Variants in ALG5 observed in about 807,000 individuals in gnomAD.
ALG5 encodes the protein ALG5 dolichyl-phosphate beta-glucosyltransferase.
ALG5 carries 26 observed loss-of-function variants against 51.8 expected under a neutral mutation model. The ratio of observed to expected loss-of-function variants is 0.50; its 90% CI spans 0.37 to 0.70. The LOEUF (loss-of-function observed/expected upper bound fraction) is 0.70, where lower values mean the gene tolerates loss of function less well. Among genes scored for constraint, ALG5 ranks in the 30% least tolerant of loss-of-function variants. The probability of loss-of-function intolerance (pLI) is 0.00; values close to 1 mark genes in which losing one functional copy is unlikely to be tolerated. For synonymous variants in ALG5, 141 were observed against 136.1 expected (o/e 1.04, Z -0.25); for missense variants, 311 against 399.3 (o/e 0.78, Z 1.88).
chr13:36,973,945 T>C (rs2058938039), intron 6 of ALG5, among the ~76,000 whole-genome samples: 1 of 152,222 alleles, frequency 6.6e-6, no homozygotes, highest in South Asian at 2.1e-4. Flanking sequence ...AAATTACAAA[T>C]ATACATATAA....
At chr13:36,959,653 T>C (rs2138784748) in intron 8 of ALG5, among the ~76,000 whole-genome samples, 1 of 151,992 alleles carries the variant, frequency 6.6e-6, no homozygotes, top group South Asian at 2.1e-4. Context: ...AAGTATGGAG[T>C]GCCAAAGACA....
chr13:36,968,376 A>G (rs2058904992), intron 7 of ALG5, among the ~76,000 whole-genome samples: 1 of 152,228 alleles, frequency 6.6e-6, no homozygotes, highest in Non-Finnish European at 1.5e-5. Flanking sequence ...TAAAATAAGA[A>G]GTTCAAAGAA....
chr13:36,966,469 T>A (rs1416698589), intron 7 of ALG5, among the ~76,000 whole-genome samples: 2 of 152,196 alleles, frequency 1.3e-5, no homozygotes, highest in Non-Finnish European at 2.9e-5. Flanking sequence ...GACTTTCACA[T>A]TTAAGATTTA....
intron 1 of ALG5, 150 bp from the exon 2 acceptor site, chr13:36,995,746 C>A: frequency 2.9e-6 from 2 of 692,380 alleles, no homozygotes; most frequent in Non-Finnish European, 4.7e-6. Context: ...GAGGTGACTC[C>A]AAAATTAGAC....
intron 6 of ALG5, 31 bp from the exon 7 acceptor site, chr13:36,972,067 T>C (rs776049121): frequency 6.8e-7 from 1 of 1,470,326 alleles, no homozygotes; most frequent in South Asian, 1.3e-5. Context: ...AGTTTTTCAA[T>C]ATTTAAATAT....
intron 1 of ALG5, among the ~76,000 whole-genome samples, chr13:36,998,119 C>T (rs2059059972): frequency 6.6e-6 from 1 of 151,990 alleles, no homozygotes; most frequent in African/African-American, 2.4e-5. Flanking sequence ...CAGTACAATC[C>T]CATAAAATCT....
chr13:36,953,631 A>G (rs1370847199), intron 8 of ALG5, among the ~76,000 whole-genome samples: 1 of 152,198 alleles, frequency 6.6e-6, no homozygotes, highest in Non-Finnish European at 1.5e-5. Context: ...ATTAATACAG[A>G]CAAGAAAATG....
chr13:36,993,527 T>G, intron 4 of ALG5, 77 bp downstream of exon 4: 1 of 1,249,640 alleles, frequency 8.0e-7, no homozygotes, highest in Non-Finnish European at 1.2e-6. Context: ...CCCTGGTGAA[T>G]GAAAGTGAGA....
At chr13:36,997,195 G>T (rs186277070) in intron 1 of ALG5, among the ~76,000 whole-genome samples, 1 of 152,110 alleles carries the variant, frequency 6.6e-6, no homozygotes, top group African/African-American at 2.4e-5. Context: ...GAAAAAGGCC[G>T]GGCGCGGTGG....
At chr13:36,985,502 T>C in intron 6 of ALG5, 125 bp downstream of exon 6, 1 of 643,646 alleles carries the variant, frequency 1.6e-6, no homozygotes. Context: ...GCTGTACCAT[T>C]TGTATAAGGA....
intron 8 of ALG5, among the ~76,000 whole-genome samples, chr13:36,954,920 G>A (rs1459730452): frequency 6.6e-6 from 1 of 152,124 alleles, no homozygotes; most frequent in African/African-American, 2.4e-5. Context: ...AAAGATGGGA[G>A]GAAATGATAA....
At chr13:36,993,802 G>T in intron 3 of ALG5, 130 bp from the exon 4 acceptor site, 1 of 688,530 alleles carries the variant, frequency 1.5e-6, no homozygotes. Flanking sequence ...AAATATTAGT[G>T]CACAAACCGC....
intron 5 of ALG5, 104 bp from the exon 6 acceptor site, chr13:36,985,844 G>A (rs746889842): frequency 3.1e-6 from 2 of 646,728 alleles, no homozygotes; most frequent in Non-Finnish European, 2.5e-6. Context: ...TGAAAGATGA[G>A]GTATGAGATG....
intron 4 of ALG5, among the ~76,000 whole-genome samples, chr13:36,992,494 AG>A (rs1162351890): frequency 6.6e-6 from 1 of 152,200 alleles, no homozygotes; most frequent in East Asian, 1.9e-4. Flanking sequence ...TCTAGCTTCA[AG>A]GAATATAACA....
chr13:36,979,171 C>T (rs1389757821), intron 6 of ALG5, among the ~76,000 whole-genome samples: 1 of 151,936 alleles, frequency 6.6e-6, no homozygotes, highest in African/African-American at 2.4e-5. Flanking sequence ...TGTGTGCCAC[C>T]ATGCATGGCT....
chr13:36,991,154 C>T (rs2059023674), intron 4 of ALG5, among the ~76,000 whole-genome samples: 1 of 152,156 alleles, frequency 6.6e-6, no homozygotes, highest in African/African-American at 2.4e-5. Context: ...TTGAGATTTC[C>T]AGACCATACC....
intron 6 of ALG5, among the ~76,000 whole-genome samples, chr13:36,982,788 C>T (rs1223682540): frequency 2.0e-5 from 3 of 152,172 alleles, no homozygotes; most frequent in Non-Finnish European, 4.4e-5. Context: ...TTATTTGCCT[C>T]CTTTCCACCT....
At chr13:36,975,450 A>G (rs1266308486) in intron 6 of ALG5, among the ~76,000 whole-genome samples, 1 of 152,216 alleles carries the variant, frequency 6.6e-6, no homozygotes, top group Non-Finnish European at 1.5e-5. Context: ...GCTTGATAAG[A>G]TTCAAGTTTG....
chr13:36,988,399 C>A (rs1179863098), intron 5 of ALG5, among the ~76,000 whole-genome samples: 1 of 152,188 alleles, frequency 6.6e-6, no homozygotes, highest in East Asian at 1.9e-4. Context: ...TGTGACCCAG[C>A]CAAAGTGAAT....
Sources: gnomAD v4.1 joint callset for allele counts (sites outside exome capture counted in the v4.1 genomes callset) on GRCh38, gnomAD v4.1.1 for gene constraint, MANE v1.5 for transcripts, NCBI Gene and HGNC (gene_info 2026-07-23, HGNC 2026-07-21) for gene names.